KCNH5: variants seen among roughly 807,000 people sequenced by gnomAD.
KCNH5 encodes potassium voltage-gated channel subfamily H member 5, also known as voltage-gated delayed rectifier potassium channel KCNH5.
A neutral mutation model predicts 96.1 loss-of-function variants in KCNH5; 46 were observed. The observed-to-expected ratio is 0.48, with a 90% CI of 0.38 to 0.61. The LOEUF (loss-of-function observed/expected upper bound fraction) is 0.61. KCNH5 is among the 20% of genes least tolerant of loss of function. The pLI, the probability that KCNH5 is intolerant of heterozygous loss-of-function variation, is 0.00. For synonymous variants in KCNH5, 439 were observed against 449.8 expected (o/e 0.98, Z 0.30); for missense variants, 907 against 1,225.8 (o/e 0.74, Z 3.88).
Position 62,910,941 on chromosome 14 carries a change from A to ACCCC in KCNH5, c.1369+39188_1369+39191dup, listed in dbSNP as rs1555363115. Among the ~76,000 whole-genome samples the ACCCC allele has an allele frequency of 1.3e-4, 18 of 140,886 alleles. No individual in the cohort carries two copies. The South Asian group carries it at 2.8e-3, about 22-fold the overall frequency. The allele number at this position is 140,886 out of a possible 152,430, so 92.4% of individuals were successfully genotyped here. ...CACACACACACACACACACACACACACCCCTCTGTTGTTCTGTCATCCTAT... is the reference window on the plus strand; with the variant it reads ...CACACACACACACACACACACACACACCCCCCCCTCTGTTGTTCTGTCATCCTAT... On this transcript the variant is annotated intron_variant, in intron 7 of 10. Coordinates refer to ENST00000322893, the MANE Select transcript of KCNH5 (RefSeq NM_139318.5).
chr14:62,795,755 G>A (rs1176173096), intron 9 of KCNH5, among the ~76,000 whole-genome samples: 1 of 152,126 alleles, frequency 6.6e-6, no homozygotes, highest in Admixed American at 6.6e-5. Context: ...AGTGGTCACT[G>A]TGCAGTGGGA....
chr14:62,808,389 G>A (rs1194316227), intron 8 of KCNH5, among the ~76,000 whole-genome samples: 1 of 152,016 alleles, frequency 6.6e-6, no homozygotes, highest in Non-Finnish European at 1.5e-5. Context: ...ATTAAACATT[G>A]GAATAGAAGC....
At chr14:63,040,191 T>G (rs560285901) in intron 1 of KCNH5, among the ~76,000 whole-genome samples, 1 of 152,266 alleles carries the variant, frequency 6.6e-6, no homozygotes, top group East Asian at 1.9e-4. Flanking sequence ...TACGCCCTTC[T>G]ATTAAAAATA....
At chr14:62,992,916 T>C (rs923047992) in intron 4 of KCNH5, among the ~76,000 whole-genome samples, 3 of 152,056 alleles carry the variant, frequency 2.0e-5, no homozygotes, top group Non-Finnish European at 4.4e-5. Context: ...GAGTTTTTCC[T>C]AGATTTTCTC....
chr14:62,715,746 A>G (rs17100278), intron 10 of KCNH5, among the ~76,000 whole-genome samples: 46,741 of 151,778 alleles, frequency 0.31, 7,886 homozygotes, highest in South Asian at 0.5. Context: ...AAATTTTTGA[A>G]GAATTAATTA....
At chr14:62,753,895 T>C (rs1885559735) in intron 10 of KCNH5, among the ~76,000 whole-genome samples, 1 of 152,042 alleles carries the variant, frequency 6.6e-6, no homozygotes, top group African/African-American at 2.4e-5. Context: ...TAAGAAATCA[T>C]CTGAAGGTAC....
chr14:63,018,456 G>T (rs895810346), intron 1 of KCNH5, among the ~76,000 whole-genome samples: 3 of 151,936 alleles, frequency 2.0e-5, no homozygotes, highest in Non-Finnish European at 4.4e-5. Flanking sequence ...AATGGTAAAG[G>T]GCTAAAGAGA....
chr14:63,015,408 GA>G (rs1275939314), intron 2 of KCNH5, among the ~76,000 whole-genome samples: 4 of 152,008 alleles, frequency 2.6e-5, no homozygotes, highest in Non-Finnish European at 4.4e-5. Context: ...AGGATATCTA[GA>G]GAGGGAAAGA....
chr14:62,997,174 C>A (rs188369907), intron 4 of KCNH5, among the ~76,000 whole-genome samples: 1 of 151,940 alleles, frequency 6.6e-6, no homozygotes, highest in Admixed American at 6.6e-5. Flanking sequence ...TTATCCTTTG[C>A]GTTAAAAACA....
rs566952803 is a variant in KCNH5, at chr14:62,959,212, T to C, written c.943-8653A>G. 9.9e-5 allele frequency among the ~76,000 whole-genome samples: 15 copies of C among 152,236 alleles called. No individual in the cohort carries two copies. In the South Asian group the frequency reaches 3.1e-3, roughly 32 times the overall value. ...TTTACCCACAACTCGGCTAGAGTAATTATTAACTTATCACCACCCTTGTTT... is the reference window on the plus strand; with the variant it reads ...TTTACCCACAACTCGGCTAGAGTAACTATTAACTTATCACCACCCTTGTTT... On this transcript the variant is annotated intron_variant, in intron 6 of 10. Transcript: ENST00000322893.
At chr14:62,729,497 A>G (rs573326759) in intron 10 of KCNH5, among the ~76,000 whole-genome samples, 1 of 152,300 alleles carries the variant, frequency 6.6e-6, no homozygotes, top group African/African-American at 2.4e-5. Flanking sequence ...CAAAACAACT[A>G]TTGAGTTTCC....
At chr14:62,810,092 T>C (rs1380792948) in intron 8 of KCNH5, among the ~76,000 whole-genome samples, 1 of 152,154 alleles carries the variant, frequency 6.6e-6, no homozygotes, top group Non-Finnish European at 1.5e-5. Context: ...ATATTACTGT[T>C]ATACTCTTTG....
intron 7 of KCNH5, among the ~76,000 whole-genome samples, chr14:62,868,017 A>T (rs182631708): frequency 5.6e-4 from 85 of 152,352 alleles, no homozygotes; most frequent in African/African-American, 2.0e-3. Flanking sequence ...TCTCTCCAAA[A>T]TGTAAACTCC....
At position 62,797,497 on chromosome 14, in the gene KCNH5, A is replaced by G. The variant is rs142725658; in HGVS notation, c.1822+4832T>C. Among the ~76,000 whole-genome samples the G allele has an allele frequency of 3.3e-3, 508 of 152,298 alleles. 2 individuals carry two copies. The highest frequency in any genetic ancestry group is 0.012 in the African/African-American group (497 of 41,578). On this transcript the variant is annotated intron_variant, in intron 9 of 10. Coordinates refer to ENST00000322893, the MANE Select transcript of KCNH5 (RefSeq NM_139318.5). ...AAAATGATTTTCTGGAACTTGGGAA[A>G]AACCCTTTTAAGGATTTAAACTGTG... is the stretch of plus-strand genomic sequence containing the variant.
At chr14:62,858,560 A>C (rs1245834877) in intron 7 of KCNH5, among the ~76,000 whole-genome samples, 4 of 152,212 alleles carry the variant, frequency 2.6e-5, no homozygotes, top group Non-Finnish European at 5.9e-5. Context: ...CAAAGTGTCC[A>C]GGTGGCAATC....
intron 10 of KCNH5, among the ~76,000 whole-genome samples, chr14:62,734,724 C>G (rs1885121665): frequency 6.6e-6 from 1 of 152,116 alleles, no homozygotes; most frequent in Non-Finnish European, 1.5e-5. Flanking sequence ...TCTCTCTCCT[C>G]CTCACCAAAC....
At chr14:62,869,392 T>C (rs1888204787) in intron 7 of KCNH5, among the ~76,000 whole-genome samples, 1 of 151,886 alleles carries the variant, frequency 6.6e-6, no homozygotes, top group South Asian at 2.1e-4. Context: ...TTTTTTTTTC[T>C]TGTAAATCTG....
chr14:62,967,628 T>G (rs1000286748), intron 6 of KCNH5, among the ~76,000 whole-genome samples: 4 of 152,266 alleles, frequency 2.6e-5, no homozygotes, highest in African/African-American at 9.6e-5. Flanking sequence ...CATTAGGGAA[T>G]AAAATGAAGT....
In KCNH5 at chr14:62,699,982, ACC is replaced by A. The variant is rs1413460249; in HGVS notation, c.*7524_*7525del. 6.6e-6 allele frequency: 1 copy of A among 152,176 alleles called. No homozygotes were observed. Among genetic ancestry groups the A allele is most frequent in the Non-Finnish European group, 1.5e-5 (1 of 68,018 alleles). 9.4% of individuals were successfully genotyped at this position (152,176 alleles called of 1,614,324 possible). A position where few individuals can be genotyped will look rare whatever the true frequency, so the allele number is the denominator to read the frequency against. The stretch of plus-strand genomic sequence containing the variant: ...TGAATCAATTATTTCTGGTGAATTA[ACC>A]CTTAAAGGCAGAGGCATTTTTAATA... On this transcript the variant is annotated 3_prime_UTR_variant, in exon 11 of 11. Coordinates refer to ENST00000322893, the MANE Select transcript of KCNH5 (RefSeq NM_139318.5).
Sources: allele counts gnomAD v4.1 joint callset (sites outside exome capture counted in the v4.1 genomes callset), GRCh38; gene constraint gnomAD v4.1.1; transcripts MANE v1.5; gene names NCBI Gene and HGNC (gene_info 2026-07-23, HGNC 2026-07-21).